Variants in CDH2 observed in about 807,000 individuals in gnomAD.
CDH2 encodes cadherin 2, also known as cadherin-2.
A neutral mutation model predicts 92.0 loss-of-function variants in CDH2; 17 were observed. That is an observed-to-expected ratio of 0.18 (90% CI 0.13 to 0.28). CDH2 has a LOEUF of 0.28. Among genes scored for constraint, CDH2 ranks in the 10% least tolerant of loss-of-function variants. The probability of loss-of-function intolerance (pLI) is 1.00; values close to 1 mark genes in which losing one functional copy is unlikely to be tolerated. For synonymous variants in CDH2, 419 were observed against 415.9 expected, an observed-to-expected ratio of 1.01 and a Z score of -0.09; for missense variants, 862 against 1,133.1, an observed-to-expected ratio of 0.76 and a Z score of 3.44.
Position 27,952,200 on chromosome 18 carries a change from G to T in CDH2, c.2674C>A (p.Pro892Thr). ...ATGTCAGCAAGTTTCTTGAACCGTG[G>T]CCCCCAGTCGTTCAGGTAATCATAG... ...QDYDYLNDWG[P>T]RFKKLADMYG... The change falls in exon 16 of 16, where the codon CCA becomes ACA. Residue 892 changes from proline (P) to threonine (T), a missense_variant. By Grantham distance (38) the Pro-to-Thr change is conservative. This residue lies in a region of CDH2 where 114 missense variants were observed against 144.8 expected (regional missense o/e 0.79). Coordinates refer to ENST00000269141, the MANE Select transcript of CDH2 (RefSeq NM_001792.5). The T allele has an allele frequency of 2.5e-6, 4 of 1,613,642 alleles. No individual in the cohort carries two copies. The African/African-American group carries it at 4.0e-5, about 16-fold the overall frequency.
At chr18:27,981,710 GAAGC>G (rs1407986678) in intron 14 of CDH2, among the ~76,000 whole-genome samples, 4 of 152,304 alleles carry the variant, frequency 2.6e-5, no homozygotes, top group Admixed American at 2.0e-4. Flanking sequence ...TCAAAGGAGT[GAAGC>G]AAGGGAAAAA....
chr18:28,112,129 T>C (rs551017528), intron 2 of CDH2, among the ~76,000 whole-genome samples: 83 of 152,274 alleles, frequency 5.5e-4, no homozygotes, highest in African/African-American at 1.9e-3. Context: ...ACTGAAAGTA[T>C]TTGGAAAGTT....
chr18:27,970,976 G>A (rs1370998289), intron 14 of CDH2, among the ~76,000 whole-genome samples: 3 of 152,138 alleles, frequency 2.0e-5, no homozygotes, highest in Non-Finnish European at 4.4e-5. Flanking sequence ...GGTGGCTTAC[G>A]CCTGTAATCC....
intron 3 of CDH2, among the ~76,000 whole-genome samples, chr18:28,012,232 G>A (rs1292375465): frequency 6.6e-6 from 1 of 152,108 alleles, no homozygotes; most frequent in African/African-American, 2.4e-5. Flanking sequence ...GCACAGCTGT[G>A]TAAACTATTT....
At chr18:27,984,912 A>G in intron 13 of CDH2, 88 bp downstream of exon 13, 1 of 965,642 alleles carries the variant, frequency 1.0e-6, no homozygotes, top group South Asian at 1.5e-5. Flanking sequence ...TTGTTAGACT[A>G]CTTTGCCAGG....
intron 2 of CDH2, among the ~76,000 whole-genome samples, chr18:28,142,346 T>C (rs2144317702): frequency 6.6e-6 from 1 of 152,082 alleles, no homozygotes; most frequent in South Asian, 2.1e-4. Context: ...AAGGACTTTA[T>C]AGAAAAGTGA....
At chr18:28,072,684 A>G (rs1222828703) in intron 2 of CDH2, among the ~76,000 whole-genome samples, 1 of 152,246 alleles carries the variant, frequency 6.6e-6, no homozygotes, top group East Asian at 1.9e-4. Flanking sequence ...AAACACAGGA[A>G]GGCTTTCTGA....
intron 15 of CDH2, among the ~76,000 whole-genome samples, chr18:27,958,240 T>C (rs1202262673): frequency 1.3e-5 from 2 of 152,054 alleles, no homozygotes; most frequent in Non-Finnish European, 1.5e-5. Flanking sequence ...CATAATGAGA[T>C]ATTTTAAAAA....
chr18:28,169,394 T>G (rs898218433), intron 1 of CDH2, among the ~76,000 whole-genome samples: 6 of 152,180 alleles, frequency 3.9e-5, no homozygotes, highest in Non-Finnish European at 8.8e-5. Flanking sequence ...AAAGTGTATT[T>G]TAGTAATGAA....
chr18:27,963,209 A>G, intron 15 of CDH2, 148 bp downstream of exon 15: 1 of 598,922 alleles, frequency 1.7e-6, no homozygotes, highest in Admixed American at 3.2e-5. Flanking sequence ...ATGAAGCCAC[A>G]TTTGCTTTCA....
At chr18:28,148,016 C>T (rs1412229185) in intron 1 of CDH2, among the ~76,000 whole-genome samples, 2 of 152,184 alleles carry the variant, frequency 1.3e-5, no homozygotes, top group African/African-American at 2.4e-5. Flanking sequence ...AAATAATACA[C>T]ATTCTAGGTT....
intron 1 of CDH2, among the ~76,000 whole-genome samples, chr18:28,149,879 T>C (rs1197827527): frequency 1.3e-5 from 2 of 152,342 alleles, no homozygotes; most frequent in East Asian, 3.9e-4. Flanking sequence ...GCTCTACATA[T>C]TTCATAATGA....
intron 2 of CDH2, among the ~76,000 whole-genome samples, chr18:28,105,744 TA>T (rs1381223493): frequency 1.3e-5 from 2 of 152,194 alleles, no homozygotes; most frequent in African/African-American, 4.8e-5. Flanking sequence ...CACATCAATG[TA>T]TAGTTCTTAA....
intron 1 of CDH2, 38 bp downstream of exon 1, chr18:28,176,925 C>A (rs1279610963): frequency 3.8e-5 from 46 of 1,216,648 alleles, no homozygotes; most frequent in Non-Finnish European, 4.5e-5. Flanking sequence ...GCCCGCCCCA[C>A]CCCGCCCGTG....
intron 2 of CDH2, among the ~76,000 whole-genome samples, chr18:28,053,395 A>C (rs1041100566): frequency 4.9e-4 from 74 of 152,346 alleles, no homozygotes; most frequent in African/African-American, 1.8e-3. Context: ...ATTCATTAAG[A>C]TTATCAAACA....
rs2144035061 is a variant in CDH2, at chr18:28,012,251, T to C, written c.400-259A>G. Among the ~76,000 whole-genome samples, 2 of 152,330 alleles carry C rather than the reference T, an allele frequency of 1.3e-5. 1 individual carries two copies. Among genetic ancestry groups the C allele is most frequent in the Middle Eastern group, 6.8e-3 (2 of 294 alleles). ...AGCTGTGTAAACTATTTGCAGTTTC[T>C]ATAAACCTTTTTAGATAGCAGTTAA... On this transcript the variant is annotated intron_variant, in intron 3 of 15. Coordinates refer to ENST00000269141, the MANE Select transcript of CDH2 (RefSeq NM_001792.5).
At chr18:27,950,238 G>A (rs1909382006), downstream of CDH2, among the ~76,000 whole-genome samples, 1 of 152,036 alleles carries the variant, frequency 6.6e-6, no homozygotes, top group African/African-American at 2.4e-5. Flanking sequence ...ATAGTTAGAG[G>A]AGGTATATTA....
chr18:28,081,142 A>C (rs1354307809), intron 2 of CDH2, among the ~76,000 whole-genome samples: 1 of 152,226 alleles, frequency 6.6e-6, no homozygotes, highest in Non-Finnish European at 1.5e-5. Context: ...ACAGAGTCTC[A>C]TCATTCAAGA....
At chr18:27,995,107 T>TAC (rs2012538812) in intron 7 of CDH2, among the ~76,000 whole-genome samples, 1 of 151,832 alleles carries the variant, frequency 6.6e-6, no homozygotes, top group Admixed American at 6.6e-5. Context: ...GGTCAGGAGT[T>TAC]CAAGACTAGT....
Sources: gnomAD v4.1 joint callset for allele counts (sites outside exome capture counted in the v4.1 genomes callset) on GRCh38, gnomAD v4.1.1 for gene constraint, gnomAD v4.1.1 regional missense constraint, MANE v1.5 for transcripts, NCBI Gene and HGNC (gene_info 2026-07-23, HGNC 2026-07-21) for gene names.